Variants in FLVCR2 observed in about 807,000 individuals in gnomAD.
FLVCR2 encodes FLVCR choline and putative heme transporter 2.
FLVCR2 carries 38 observed loss-of-function variants against 48.9 expected under a neutral mutation model. The observed-to-expected ratio is 0.78, with a 90% CI of 0.60 to 1.02. The LOEUF (loss-of-function observed/expected upper bound fraction) is 1.02, where lower values mean the gene tolerates loss of function less well. Among genes scored for constraint, FLVCR2 ranks in the 50% least tolerant of loss-of-function variants. FLVCR2 has a pLI of 0.00. For missense variants in FLVCR2, 664 were observed against 663.3 expected, an observed-to-expected ratio of 1.00 and a Z score of -0.01; for synonymous variants, 255 against 257.0, an observed-to-expected ratio of 0.99 and a Z score of 0.07.
chr14:75,613,536 G>A (rs1418662460), intron 1 of FLVCR2, among the ~76,000 whole-genome samples: 1 of 151,934 alleles, frequency 6.6e-6, no homozygotes, highest in African/African-American at 2.4e-5. Context: ...AATTCAACAT[G>A]AGATTTCTTT....
intron 1 of FLVCR2, among the ~76,000 whole-genome samples, chr14:75,587,771 A>G (rs8011085): frequency 0.41 from 63,068 of 152,098 alleles, 15,927 homozygotes; most frequent in African/African-American, 0.68. Context: ...TTTCCTTGGT[A>G]GTACTGGATG....
chr14:75,625,099 G>T (rs1452497834), intron 3 of FLVCR2, among the ~76,000 whole-genome samples: 2 of 149,486 alleles, frequency 1.3e-5, no homozygotes, highest in Non-Finnish European at 2.9e-5. Context: ...TTTTTTGCAG[G>T]TCTATTTCCC....
At chr14:75,613,726 T>C (rs1889526204) in intron 1 of FLVCR2, among the ~76,000 whole-genome samples, 1 of 152,078 alleles carries the variant, frequency 6.6e-6, no homozygotes, top group Admixed American at 6.6e-5. Flanking sequence ...AATTTTTGTA[T>C]TTTTAGTAGA....
intron 1 of FLVCR2, chr14:75,605,490 A>G: frequency 6.6e-7 from 1 of 1,524,120 alleles, no homozygotes; most frequent in African/African-American, 1.4e-5. Flanking sequence ...GATTACAGGC[A>G]TCTTTCCTTT....
At chr14:75,601,271 G>C (rs918118133) in intron 1 of FLVCR2, among the ~76,000 whole-genome samples, 7 of 152,266 alleles carry the variant, frequency 4.6e-5, no homozygotes, top group Admixed American at 4.6e-4. Context: ...TTTCCGCCTT[G>C]GGCGGGCCAG....
At chr14:75,640,898 C>T (rs1890293988) in intron 6 of FLVCR2, 57 bp from the exon 7 acceptor site, 9 of 1,255,650 alleles carry the variant, frequency 7.2e-6, no homozygotes, top group Non-Finnish European at 1.1e-5. Context: ...GGTGGGCTCC[C>T]CATCCTTCTT....
At chr14:75,603,334 G>A (rs1889210802) in intron 1 of FLVCR2, among the ~76,000 whole-genome samples, 1 of 152,216 alleles carries the variant, frequency 6.6e-6, no homozygotes, top group African/African-American at 2.4e-5. Flanking sequence ...CAGAGAAGGG[G>A]AGAAGCATTA....
chr14:75,641,366 A>G, intron 8 of FLVCR2, 73 bp downstream of exon 8: 1 of 938,632 alleles, frequency 1.1e-6, no homozygotes, highest in Non-Finnish European at 1.8e-6. Context: ...ATGGAGCAAC[A>G]GATAGGGAGT....
At chr14:75,632,855 A>C (rs190185519) in intron 3 of FLVCR2, 1 of 702,198 alleles carries the variant, frequency 1.4e-6, no homozygotes, top group Non-Finnish European at 2.6e-6. Flanking sequence ...TACTTTCTAG[A>C]GTTGTCATAA....
rs144104603 is a variant in FLVCR2, at chr14:75,579,408, G to A, written c.436G>A (p.Glu146Lys). The change falls in exon 1 of 10, where the codon GAG becomes AAG. Residue 146 changes from glutamate (E) to lysine (K), a missense_variant. Physicochemically the swap from Glu to Lys is moderately conservative, Grantham distance 56. Transcript: ENST00000238667. The stretch of plus-strand genomic sequence containing the variant: ...GCTCCTGCCAGTGGCTTGGCTGCTG[G>A]AGAAGTTCGGCCTGCGCACCATTGC... ...PLLLPVAWLL[E>K]KFGLRTIALT... The A allele has an allele frequency of 7.4e-6, 12 of 1,614,108 alleles. No individual in the cohort carries two copies. In the African/African-American group the frequency reaches 1.6e-4, roughly 22 times the overall value.
At chr14:75,643,106 C>A (rs1032640932) in intron 9 of FLVCR2, among the ~76,000 whole-genome samples, 3 of 152,252 alleles carry the variant, frequency 2.0e-5, no homozygotes, top group African/African-American at 7.2e-5. Context: ...AAATGACCCA[C>A]CAATCTTGGC....
At chr14:75,646,331 G>A (rs1241459162) in intron 9 of FLVCR2, 70 bp from the exon 10 acceptor site, 1 of 1,060,148 alleles carries the variant, frequency 9.4e-7, no homozygotes, top group African/African-American at 1.6e-5. Context: ...TCATGGCCAG[G>A]CAGCTGCTCC....
At chr14:75,609,401 T>C (rs1889378829) in intron 1 of FLVCR2, among the ~76,000 whole-genome samples, 1 of 152,172 alleles carries the variant, frequency 6.6e-6, no homozygotes, top group Admixed American at 6.5e-5. Flanking sequence ...CAGGGCCAGA[T>C]CTAATGGTGC....
At chr14:75,622,715 A>G (rs1000932302) in intron 2 of FLVCR2, among the ~76,000 whole-genome samples, 8 of 152,172 alleles carry the variant, frequency 5.3e-5, no homozygotes, top group African/African-American at 1.9e-4. Context: ...AAGCTTGTCT[A>G]TGTCCCTATT....
intron 3 of FLVCR2, among the ~76,000 whole-genome samples, chr14:75,628,537 G>T (rs761178149): frequency 2.6e-5 from 4 of 152,174 alleles, no homozygotes; most frequent in Non-Finnish European, 5.9e-5. Context: ...TTCATATTTA[G>T]CTCTGAATTA....
At position 75,639,345 on chromosome 14, in the gene FLVCR2, C is replaced by T; in HGVS notation, c.1125-7C>T. On this transcript the variant is annotated splice_polypyrimidine_tract_variant and splice_region_variant and intron_variant, in intron 5 of 9. Transcript: ENST00000238667. ...GTTTGATTCAATTTCTTTGCCTCTA[C>T]TTGTAGAGAGACAACCCTGGTAGTC... 6.3e-7 allele frequency: 1 copy of T among 1,587,552 alleles called. No individual in the cohort carries two copies. The highest frequency in any genetic ancestry group is 8.7e-7 in the Non-Finnish European group (1 of 1,155,876).
chr14:75,596,108 T>A (rs917177340), intron 1 of FLVCR2: 2 of 981,382 alleles, frequency 2.0e-6, no homozygotes, highest in Non-Finnish European at 3.3e-6. Context: ...TAGGCACTGT[T>A]GCCTTCCCAG....
intron 1 of FLVCR2, chr14:75,604,046 G>A (rs182530516): frequency 5.3e-5 from 8 of 152,352 alleles, no homozygotes; most frequent in African/African-American, 1.7e-4. Flanking sequence ...GTGGTTGGAG[G>A]AGAAGATTCT....
intron 1 of FLVCR2, among the ~76,000 whole-genome samples, chr14:75,592,857 G>T (rs1888920038): frequency 6.6e-6 from 1 of 152,100 alleles, no homozygotes; most frequent in Non-Finnish European, 1.5e-5. Context: ...TCTCCTGCCA[G>T]ATGCCCTAGG....
Sources: allele counts gnomAD v4.1 joint callset (sites outside exome capture counted in the v4.1 genomes callset), GRCh38; gene constraint gnomAD v4.1.1; transcripts MANE v1.5; gene names NCBI Gene and HGNC (gene_info 2026-07-23, HGNC 2026-07-21).